Variants in CDK11B observed in about 807,000 individuals in gnomAD.
The protein encoded by CDK11B is cyclin-dependent kinase 11B.
In CDK11B, 37 loss-of-function variants were observed where a neutral mutation model predicts 84.0. That is an observed-to-expected ratio of 0.44 (90% CI 0.34 to 0.58). CDK11B has a LOEUF of 0.58. CDK11B is among the 20% of genes least tolerant of loss of function. The pLI is 0.02. For synonymous variants in CDK11B, 269 were observed against 309.8 expected (o/e 0.87, Z 1.38); for missense variants, 427 against 834.0 (o/e 0.51, Z 6.01).
chr1:1,643,459 G>A (rs1234822044), intron 6 of CDK11B, among the ~76,000 whole-genome samples: 1 of 151,606 alleles, frequency 6.6e-6, no homozygotes, highest in African/African-American at 2.5e-5. Context: ...AAAGAAATAG[G>A]ACAGTATGTC....
chr1:1,637,659 A>G (rs1315332419), intron 13 of CDK11B, 103 bp downstream of exon 13: 2 of 1,609,358 alleles, frequency 1.2e-6, no homozygotes, highest in East Asian at 2.2e-5. Flanking sequence ...GAAGGGCTCC[A>G]CTAAGTGCAG....
chr1:1,650,080 C>T (rs1364169578), intron 4 of CDK11B, among the ~76,000 whole-genome samples: 4 of 150,892 alleles, frequency 2.7e-5, no homozygotes, highest in East Asian at 2.0e-4. Flanking sequence ...ACCATCCTGG[C>T]TAACACGGTG....
intron 5 of CDK11B, 118 bp downstream of exon 5, chr1:1,649,381 G>A (rs1457451407): frequency 2.5e-4 from 190 of 757,162 alleles, no homozygotes; most frequent in Middle Eastern, 3.7e-4. Flanking sequence ...GATTACAGGC[G>A]TGAGCCACCA....
intron 3 of CDK11B, chr1:1,654,221 G>C: frequency 2.2e-6 from 1 of 449,378 alleles, no homozygotes. Context: ...AAACAAACGA[G>C]AAACAGTTCA....
intron 3 of CDK11B, chr1:1,654,231 A>C (rs150513413): frequency 2.2e-6 from 1 of 446,080 alleles, no homozygotes; most frequent in Non-Finnish European, 4.5e-6. Flanking sequence ...GAAACAGTTC[A>C]TGGCACAGGA....
chr1:1,650,038 C>T (rs1253242384), intron 4 of CDK11B, among the ~76,000 whole-genome samples: 4 of 150,234 alleles, frequency 2.7e-5, no homozygotes, highest in East Asian at 4.0e-4. Flanking sequence ...CTCTGGGAGG[C>T]CGAGGTGGGC....
intron 13 of CDK11B, 57 bp from the exon 14 acceptor site, chr1:1,637,570 A>G: frequency 6.2e-7 from 1 of 1,606,764 alleles, no homozygotes; most frequent in Non-Finnish European, 8.5e-7. Context: ...CCACCCCTGC[A>G]CCCGGGTGCA....
chr1:1,640,959 C>T (rs1570073101), intron 10 of CDK11B, 89 bp downstream of exon 10: 2 of 1,595,958 alleles, frequency 1.3e-6, no homozygotes, highest in Non-Finnish European at 1.7e-6. Flanking sequence ...TGGCGTGCCC[C>T]ACGCTGCGCA....
chr1:1,637,727 C>G, intron 13 of CDK11B, 35 bp downstream of exon 13: 4 of 1,613,650 alleles, frequency 2.5e-6, no homozygotes, highest in Non-Finnish European at 3.4e-6. Context: ...GAAAAGCCTT[C>G]CACCCGGGGC....
intron 4 of CDK11B, 109 bp from the exon 5 acceptor site, chr1:1,649,746 G>A (rs1162140302): frequency 6.9e-5 from 73 of 1,054,612 alleles, no homozygotes; most frequent in African/African-American, 4.6e-4. Context: ...AGGCTGAGGC[G>A]GGCGGATCAC....
chr1:1,643,869 C>T (rs1169867619), intron 6 of CDK11B, among the ~76,000 whole-genome samples: 1 of 143,862 alleles, frequency 7.0e-6, no homozygotes, highest in African/African-American at 2.8e-5. Context: ...TCGGGGACCC[C>T]AACAGATCTG....
At chr1:1,647,969 G>A (rs1641388868) in intron 5 of CDK11B, among the ~76,000 whole-genome samples, 1 of 152,298 alleles carries the variant, frequency 6.6e-6, no homozygotes, top group Non-Finnish European at 1.5e-5. Context: ...CAGAAGGTCA[G>A]ATTCTTACTG....
In CDK11B at chr1:1,637,752, C is replaced by A; in HGVS notation, c.1464+10G>T. ...CCACCCGGGGCCAGGCGTGGTGGGG[C>A]CATGCTCACTCTAACGGTGACGATG... On this transcript the variant is annotated intron_variant, in intron 13 of 19. Coordinates refer to ENST00000341832, the MANE Select transcript of CDK11B (RefSeq NM_033486.3). 2 of 1,613,692 alleles carry A rather than the reference C, an allele frequency of 1.2e-6. No individual in the cohort carries two copies. The highest frequency in any genetic ancestry group is 2.2e-5 in the East Asian group (1 of 44,880).
intron 3 of CDK11B, among the ~76,000 whole-genome samples, chr1:1,653,771 G>A (rs1447773927): frequency 6.6e-6 from 1 of 150,828 alleles, no homozygotes. Context: ...ATCACCTGAG[G>A]TTAGGAGTTC....
rs1374462389 is a variant in CDK11B, at chr1:1,635,526, G to A, written c.*238C>T. On this transcript the variant is annotated 3_prime_UTR_variant, in exon 20 of 20. Transcript: ENST00000341832. ...TGTGTGGAGGTTTGTGCTGCCCCAC[G>A]TGGGCACCCGAAGATGTCCACCCTC... 14 of 460,180 alleles carry A rather than the reference G, an allele frequency of 3.0e-5. 2 individuals are homozygous for A. Among genetic ancestry groups the A allele is most frequent in the Admixed American group, 2.5e-4 (7 of 27,922 alleles). 28.5% of individuals were successfully genotyped at this position (460,180 alleles called of 1,614,324 possible). A position where few individuals can be genotyped will look rare whatever the true frequency, so the allele number is the denominator to read the frequency against.
rs1022051625 is a variant in CDK11B, at chr1:1,648,808, C to T, written c.494+691G>A. Among the ~76,000 whole-genome samples, 20 of 152,158 alleles carry T rather than the reference C, an allele frequency of 1.3e-4. 1 individual carries two copies. The highest frequency in any genetic ancestry group is 1.2e-3 in the Admixed American group (18 of 15,292). ...TTTTTTTGAGACAGTCTCACTCTGT[C>T]AACCAGGCTGGAGTGCAATAGCATG... On this transcript the variant is annotated intron_variant, in intron 5 of 19. Transcript: ENST00000341832.
chr1:1,646,680 GTA>G (rs1251686366), intron 5 of CDK11B: 1 of 519,790 alleles, frequency 1.9e-6, no homozygotes, highest in Non-Finnish European at 3.9e-6. Context: ...TCTTCCTTTA[GTA>G]TTTCCTTTAA....
intron 6 of CDK11B, among the ~76,000 whole-genome samples, chr1:1,643,598 G>T (rs1640581383): frequency 6.8e-6 from 1 of 147,130 alleles, no homozygotes; most frequent in South Asian, 2.1e-4. Context: ...AAGATGTGGA[G>T]AAAGTCAAGA....
Position 1,649,631 on chromosome 1 carries a change from T to C in CDK11B, c.362A>G (p.His121Arg), listed in dbSNP as rs1641626957. ...TCTTTCTTTTTCTTTCACTCTAGCA[T>C]GCTTCCCTAATGAGAAATAAAGTGT... is the stretch of plus-strand genomic sequence containing the variant. ...HRSHSAEGGKHARVKEKEREH... is the reference protein window; with the variant it reads ...HRSHSAEGGKRARVKEKEREH... The change falls in exon 5 of 20, where the codon CAT becomes CGT. Residue 121 changes from histidine to arginine, a missense_variant. This residue lies in a region of CDK11B where 71 missense variants were observed against 66.2 expected (regional missense o/e 1.07). Transcript: ENST00000341832. The C allele has an allele frequency of 3.7e-5, 60 of 1,610,704 alleles. 1 individual carries two copies. The highest frequency in any genetic ancestry group is 4.7e-5 in the Non-Finnish European group (55 of 1,177,370).
Sources: allele counts gnomAD v4.1 joint callset (sites outside exome capture counted in the v4.1 genomes callset), GRCh38; gene constraint gnomAD v4.1.1; regional missense constraint gnomAD v4.1.1; transcripts MANE v1.5; gene names NCBI Gene and HGNC (gene_info 2026-07-23, HGNC 2026-07-21).